The following BSCL2 variants were observed in gnomAD, a reference collection of about 807,000 sequenced individuals.
BSCL2 encodes BSCL2 lipid droplet biogenesis associated, seipin.
In BSCL2, 41 loss-of-function variants were observed where a neutral mutation model predicts 57.4. The observed-to-expected ratio is 0.71, with a 90% CI of 0.56 to 0.93. BSCL2 has a LOEUF of 0.93. Ranked by LOEUF, BSCL2 falls within the 40% of genes least tolerant of loss-of-function variation. BSCL2 has a pLI of 0.00. For synonymous variants in BSCL2, 237 were observed against 227.3 expected, an observed-to-expected ratio of 1.04 and a Z score of -0.38; for missense variants, 539 against 586.7, an observed-to-expected ratio of 0.92 and a Z score of 0.84.
At chr11:62,706,386 C>T in intron 1 of BSCL2, 2 of 922,462 alleles carry the variant, frequency 2.2e-6, no homozygotes, top group Non-Finnish European at 1.4e-6. Context: ...GGGTCCAGCA[C>T]GGCGGGGCGG....
At chr11:62,693,575 T>G (rs1414826861) in intron 4 of BSCL2, among the ~76,000 whole-genome samples, 1 of 152,164 alleles carries the variant, frequency 6.6e-6, no homozygotes, top group Non-Finnish European at 1.5e-5. Flanking sequence ...GAATCCAAAC[T>G]AGTCTTGCTA....
At chr11:62,705,953 T>C in intron 1 of BSCL2, 1 of 276,930 alleles carries the variant, frequency 3.6e-6, no homozygotes, top group Non-Finnish European at 6.9e-6. Context: ...CACACGGTGA[T>C]ACTGAATCCA....
chr11:62,701,676 A>C (rs1448451023), intron 3 of BSCL2, among the ~76,000 whole-genome samples: 2 of 151,846 alleles, frequency 1.3e-5, no homozygotes, highest in Non-Finnish European at 2.9e-5. Context: ...CTAAAAATAC[A>C]AAAAAATTAG....
intron 3 of BSCL2, among the ~76,000 whole-genome samples, chr11:62,695,047 G>A (rs1374332741): frequency 6.6e-6 from 1 of 152,220 alleles, no homozygotes; most frequent in Non-Finnish European, 1.5e-5. Flanking sequence ...GGGCCGGTGA[G>A]GCTGTCCCCA....
At chr11:62,700,620 G>A (rs964979133) in intron 3 of BSCL2, among the ~76,000 whole-genome samples, 4 of 152,024 alleles carry the variant, frequency 2.6e-5, no homozygotes, top group African/African-American at 4.8e-5. Flanking sequence ...TAGCCTGGGC[G>A]ACAGGAAAGA....
At chr11:62,696,461 TGCAACTA>T (rs1173258459) in intron 3 of BSCL2, among the ~76,000 whole-genome samples, 11 of 120,258 alleles carry the variant, frequency 9.1e-5, no homozygotes, top group African/African-American at 3.1e-4. Flanking sequence ...TGCAACCACA[TGCAACTA>T]AAAATTTTTT....
At chr11:62,692,496 T>C (rs1159313355) in intron 5 of BSCL2, 23 bp from the exon 6 acceptor site, 1 of 1,612,528 alleles carries the variant, frequency 6.2e-7, no homozygotes, top group South Asian at 1.1e-5. Context: ...GGGGTGAGGG[T>C]GGCGTCAGGC....
Position 62,690,642 on chromosome 11 carries a change from C to G in BSCL2, c.1204G>C (p.Glu402Gln). ...EKPDQQPLSG[E>Q]EELEPEASDG... Reference sequence around the variant, plus strand: ...CTGGCCTCAGGCTCTAGCTCCTCTTCTCCGCTCAGGGGCTGCTGATCTGGT... The same window carrying G: ...CTGGCCTCAGGCTCTAGCTCCTCTTGTCCGCTCAGGGGCTGCTGATCTGGT... Residue 402 changes from glutamate to glutamine, a missense_variant, in exon 10 of 11, where the codon GAA (glutamate) becomes CAA (glutamine). Physicochemically the swap from Glu to Gln is conservative, Grantham distance 29. Around this residue, in one of 3 missense-constraint regions of BSCL2, gnomAD observed 248 missense variants for 239.9 expected, o/e 1.03. Coordinates refer to ENST00000360796, the MANE Select transcript of BSCL2 (RefSeq NM_001122955.4). The G allele has an allele frequency of 6.2e-7, 1 of 1,613,978 alleles. No individual in the cohort carries two copies. The highest frequency in any genetic ancestry group is 8.5e-7 in the Non-Finnish European group (1 of 1,180,018).
chr11:62,694,855 G>T (rs1332760769), intron 3 of BSCL2, 144 bp from the exon 4 acceptor site: 3 of 998,994 alleles, frequency 3.0e-6, no homozygotes, highest in African/African-American at 3.2e-5. Context: ...CTTTCAATCT[G>T]TCATCCCAAG....
In BSCL2 at chr11:62,705,309, G is replaced by C. The variant is rs770133194; in HGVS notation, c.396C>G (p.Phe132Leu). The C allele has an allele frequency of 6.2e-7, 1 of 1,611,312 alleles. No homozygotes were observed. Among genetic ancestry groups the C allele is most frequent in the African/African-American group, 1.3e-5 (1 of 74,894 alleles). ...PTVSHLSPVHFYYRTDCDSST... is the reference protein window; with the variant it reads ...PTVSHLSPVHLYYRTDCDSST... ...TAGAAGGCCCCTCTCACCTGTAGTA[G>C]AAATGCACAGGGCTGAGGTGGCTGA... Residue 132 changes from phenylalanine to leucine, a missense_variant, in exon 2 of 11, where the codon TTC becomes TTG. By Grantham distance (22) the Phe-to-Leu change is conservative (BLOSUM62 0). Around this residue, in one of 3 missense-constraint regions of BSCL2, gnomAD observed 218 missense variants for 224.8 expected, o/e 0.97. Transcript: ENST00000360796.
chr11:62,700,584 C>A (rs767982292), intron 3 of BSCL2, among the ~76,000 whole-genome samples: 1 of 151,998 alleles, frequency 6.6e-6, no homozygotes. Context: ...GAGGTTGCAG[C>A]GAGCCAAGAT....
At chr11:62,702,930 C>G (rs561438919) in intron 2 of BSCL2, among the ~76,000 whole-genome samples, 15 of 152,190 alleles carry the variant, frequency 9.9e-5, no homozygotes, top group African/African-American at 2.9e-4. Context: ...GAGGGCGGAT[C>G]ACCTGAGGTC....
At position 62,705,366 on chromosome 11, in the gene BSCL2, AT is replaced by A; in HGVS notation, c.338del (p.Tyr113LeufsTer43). 1 of 1,614,158 alleles carries A rather than the reference AT, an allele frequency of 6.2e-7. No individual in the cohort carries two copies. Reference protein sequence around the residue: ...LLLLWVSVFLYGSFYYSYMPT... With the variant: ...LLLLWVSVFLXGSFYYSYMPT... ...GCATATAGGAATAGTAGAAGGAGCC[AT>A]AGAGGAAGACAGACACCCAGAGCAA... On this transcript the variant is annotated frameshift_variant, in exon 2 of 11. Transcript: ENST00000360796. LOFTEE classifies it high-confidence loss of function.
chr11:62,696,929 T>G (rs527535103), intron 3 of BSCL2, among the ~76,000 whole-genome samples: 96 of 151,828 alleles, frequency 6.3e-4, no homozygotes, highest in Non-Finnish European at 1.0e-3. Context: ...TCCCAGCTGC[T>G]GAGGAGACTG....
intron 2 of BSCL2, among the ~76,000 whole-genome samples, chr11:62,703,982 G>A (rs1436871827): frequency 6.6e-6 from 1 of 151,196 alleles, no homozygotes; most frequent in East Asian, 2.0e-4. Context: ...TTAGCCAGGT[G>A]TGGTGGCAGG....
chr11:62,700,219 T>C (rs976248349), intron 3 of BSCL2, among the ~76,000 whole-genome samples: 9 of 150,178 alleles, frequency 6.0e-5, no homozygotes, highest in African/African-American at 2.2e-4. Context: ...CCAGGCTAGG[T>C]GGCAGGGCAA....
At chr11:62,703,866 T>A (rs1945726486) in intron 2 of BSCL2, among the ~76,000 whole-genome samples, 1 of 150,264 alleles carries the variant, frequency 6.7e-6, no homozygotes, top group Non-Finnish European at 1.5e-5. Flanking sequence ...ATGCTTGTAA[T>A]CCCAGCACTT....
upstream of BSCL2, chr11:62,708,138 T>C (rs982757706): frequency 1.5e-6 from 1 of 652,164 alleles, no homozygotes; most frequent in South Asian, 1.7e-5. Flanking sequence ...CCATGAGGAA[T>C]ACAGGGATGA....
chr11:62,693,931 C>T (rs1463719882), intron 4 of BSCL2, among the ~76,000 whole-genome samples: 5 of 152,018 alleles, frequency 3.3e-5, no homozygotes, highest in Non-Finnish European at 5.9e-5. Flanking sequence ...TCTCCTGCCT[C>T]AGCTTCCTGA....
Sources: gnomAD v4.1 joint callset for allele counts (sites outside exome capture counted in the v4.1 genomes callset) on GRCh38, gnomAD v4.1.1 for gene constraint, gnomAD v4.1.1 regional missense constraint, MANE v1.5 for transcripts, NCBI Gene and HGNC (gene_info 2026-07-23, HGNC 2026-07-21) for gene names.